The following WIF1 variants were observed in gnomAD, a reference collection of about 807,000 sequenced individuals.
WIF1 encodes Wnt inhibitory factor 1.
A neutral mutation model predicts 53.5 loss-of-function variants in WIF1; 35 were observed. The ratio of observed to expected loss-of-function variants is 0.65; its 90% CI spans 0.50 to 0.87. The LOEUF is 0.87. WIF1 is among the 40% of genes least tolerant of loss of function. The probability of loss-of-function intolerance (pLI) is 0.00; values close to 1 mark genes in which losing one functional copy is unlikely to be tolerated. For synonymous variants in WIF1, 171 were observed against 170.4 expected (o/e 1.00, Z -0.03); for missense variants, 467 against 476.8 (o/e 0.98, Z 0.19).
chr12:65,058,904 T>C (rs1882569354), intron 7 of WIF1, among the ~76,000 whole-genome samples: 1 of 152,018 alleles, frequency 6.6e-6, no homozygotes, highest in South Asian at 2.1e-4. Context: ...GTAAAAAAAT[T>C]AGCCAAGTGT....
At chr12:65,069,011 ATGT>A (rs1268327722) in intron 3 of WIF1, 107 bp from the exon 4 acceptor site, 3 of 1,246,788 alleles carry the variant, frequency 2.4e-6, no homozygotes, top group African/African-American at 3.0e-5. Context: ...AAATGTTCAC[ATGT>A]TGTGGATTTC....
chr12:65,060,445 A>G (rs986290914), intron 7 of WIF1, among the ~76,000 whole-genome samples: 1 of 152,254 alleles, frequency 6.6e-6, no homozygotes, highest in African/African-American at 2.4e-5. Flanking sequence ...GAAGCCACAC[A>G]AGAAATGCCA....
chr12:65,096,966 A>G (rs1049952477), intron 2 of WIF1, among the ~76,000 whole-genome samples: 1 of 151,660 alleles, frequency 6.6e-6, no homozygotes, highest in African/African-American at 2.4e-5. Context: ...CCACCATGGC[A>G]CATGTATACC....
intron 5 of WIF1, 73 bp downstream of exon 5, chr12:65,067,622 A>G (rs910853460): frequency 1.4e-6 from 2 of 1,449,846 alleles, no homozygotes; most frequent in African/African-American, 2.8e-5. Flanking sequence ...AAAATACACA[A>G]TACACATGGG....
chr12:65,090,279 C>T (rs922615514), intron 2 of WIF1, among the ~76,000 whole-genome samples: 2 of 152,118 alleles, frequency 1.3e-5, no homozygotes, highest in African/African-American at 2.4e-5. Context: ...AGAGTGAGAC[C>T]TGCTTGGCTT....
At position 65,051,318 on chromosome 12, in the gene WIF1, G is replaced by T. The variant is rs773931716; in HGVS notation, c.*31C>A. 7 of 1,602,558 alleles carry T rather than the reference G, an allele frequency of 4.4e-6. No homozygotes were observed. Among genetic ancestry groups the T allele is most frequent in the South Asian group, 1.1e-5 (1 of 89,106 alleles). The stretch of plus-strand genomic sequence containing the variant: ...AAGGTTAACAAAGGCTATGAACTTG[G>T]TGTAACTTAAAACGTTTCAGATGTC... On this transcript the variant is annotated 3_prime_UTR_variant, in exon 10 of 10. Transcript: ENST00000286574.
Position 65,052,356 on chromosome 12 carries a change from A to G in WIF1, c.1019-886T>C, listed in dbSNP as rs115221909. On this transcript the variant is annotated intron_variant, in intron 9 of 9. Transcript: ENST00000286574. ...CAGTATGTAGTCTAGTAGCTTGTGG[A>G]GTGGTCAAAACCTGAGCCAGCAATG... Among the ~76,000 whole-genome samples the G allele has an allele frequency of 3.3e-3, 509 of 152,294 alleles. 1 individual carries two copies. Among genetic ancestry groups the G allele is most frequent in the African/African-American group, 0.012 (496 of 41,556 alleles).
chr12:65,108,423 T>A (rs575487625), intron 2 of WIF1, among the ~76,000 whole-genome samples: 1 of 152,332 alleles, frequency 6.6e-6, no homozygotes, highest in Admixed American at 6.5e-5. Context: ...TACCAGACTT[T>A]GCCATCTGAA....
intron 3 of WIF1, among the ~76,000 whole-genome samples, chr12:65,072,285 T>G (rs572004109): frequency 2.4e-4 from 37 of 152,312 alleles, no homozygotes; most frequent in African/African-American, 8.4e-4. Context: ...TCTGTCCTAC[T>G]GTCCTCCCAC....
Position 65,077,769 on chromosome 12 carries a change from C to T in WIF1, c.374G>A (p.Gly125Glu). The change falls in exon 3 of 10, where the codon GGA (glycine) becomes GAA (glutamate). Residue 125 changes from glycine (G) to glutamate (E), a missense_variant. Transcript: ENST00000286574. Reference sequence around the variant, plus strand: ...ACCTGATGCCTTGTGAGGCACTGTTCCCAGCAGAGGGACATTGACGGTTGG... The same window carrying T: ...ACCTGATGCCTTGTGAGGCACTGTTTCCAGCAGAGGGACATTGACGGTTGG... ...ADPTVNVPLL[G>E]TVPHKASVVQ... 6.2e-7 allele frequency: 1 copy of T among 1,613,744 alleles called. No homozygotes were observed. The highest frequency in any genetic ancestry group is 8.5e-7 in the Non-Finnish European group (1 of 1,179,764).
At chr12:65,056,223 G>A in intron 7 of WIF1, 97 bp from the exon 8 acceptor site, 2 of 1,150,146 alleles carry the variant, frequency 1.7e-6, no homozygotes, top group Non-Finnish European at 2.5e-6. Flanking sequence ...GAGAGGATAA[G>A]TGCTTTTAAA....
In WIF1 at chr12:65,051,430, G is replaced by T. The variant is rs759238536; in HGVS notation, c.1059C>A (p.Gly353=). 6.2e-7 allele frequency: 1 copy of T among 1,613,216 alleles called. No homozygotes were observed. The highest frequency in any genetic ancestry group is 8.5e-7 in the Non-Finnish European group (1 of 1,179,626). The change falls in exon 10 of 10, where the codon GGC becomes GGA. Residue 353 remains glycine, a synonymous_variant. Coordinates refer to ENST00000286574, the MANE Select transcript of WIF1 (RefSeq NM_007191.5). ...ASLIHALRPA[G]AQLRQHTPSL... ...AAGGCGTGTGCTGCCTGAGCTGGGC[G>T]CCTGCTGGCCTCAGGGCATGTATGA... is the stretch of plus-strand genomic sequence containing the variant.
intron 4 of WIF1, among the ~76,000 whole-genome samples, chr12:65,068,445 C>A (rs56080924): frequency 2.0e-5 from 3 of 151,978 alleles, no homozygotes; most frequent in Non-Finnish European, 4.4e-5. Flanking sequence ...TTCATGACCA[C>A]GGGTGAGATA....
chr12:65,054,189 G>A (rs1858007584), intron 9 of WIF1: 1 of 150,756 alleles, frequency 6.6e-6, no homozygotes, highest in Non-Finnish European at 1.5e-5. Context: ...TGGACTACAG[G>A]CATGTGCCAA....
intron 3 of WIF1, among the ~76,000 whole-genome samples, chr12:65,076,040 C>CT (rs1326208394): frequency 6.6e-6 from 1 of 151,876 alleles, no homozygotes; most frequent in African/African-American, 2.4e-5. Flanking sequence ...TTTCTTTTAT[C>CT]TTTTTTGAGA....
intron 2 of WIF1, among the ~76,000 whole-genome samples, chr12:65,084,848 G>A (rs1364042779): frequency 3.9e-5 from 6 of 152,034 alleles, no homozygotes; most frequent in Non-Finnish European, 7.4e-5. Context: ...ACTTTTATGG[G>A]CCAAAAACTT....
intron 7 of WIF1, among the ~76,000 whole-genome samples, chr12:65,058,053 TA>T (rs1292127272): frequency 6.6e-6 from 1 of 151,004 alleles, no homozygotes; most frequent in African/African-American, 2.4e-5. Flanking sequence ...ACAAACTTAA[TA>T]ACAGAATATC....
chr12:65,054,683 T>G (rs1335325411), intron 9 of WIF1, among the ~76,000 whole-genome samples: 1 of 152,232 alleles, frequency 6.6e-6, no homozygotes, highest in East Asian at 1.9e-4. Flanking sequence ...TGTTTTATAA[T>G]GATACTTGAC....
intron 2 of WIF1, among the ~76,000 whole-genome samples, chr12:65,094,111 T>A (rs1340211146): frequency 6.6e-6 from 1 of 152,208 alleles, no homozygotes; most frequent in African/African-American, 2.4e-5. Context: ...TAAAAGGCTA[T>A]GAAACTTTTC....
Sources: allele counts gnomAD v4.1 joint callset (sites outside exome capture counted in the v4.1 genomes callset), GRCh38; gene constraint gnomAD v4.1.1; transcripts MANE v1.5; gene names NCBI Gene and HGNC (gene_info 2026-07-23, HGNC 2026-07-21).